The following CACNB4 variants were observed in gnomAD, a reference collection of about 807,000 sequenced individuals.
CACNB4 encodes the protein voltage-dependent L-type calcium channel subunit beta-4.
Under a neutral mutation model 71.2 loss-of-function variants are expected in CACNB4, and 32 were observed. The observed-to-expected ratio is 0.45, with a 90% CI of 0.34 to 0.60. The LOEUF is 0.60. CACNB4 is among the 20% of genes least tolerant of loss of function. The pLI is 0.01. For synonymous variants in CACNB4, 231 were observed against 236.9 expected (o/e 0.97, Z 0.23); for missense variants, 464 against 647.9 (o/e 0.72, Z 3.08).
Position 151,938,708 on chromosome 2 carries a change from C to T in CACNB4, c.148-55338G>A, listed in dbSNP as rs957979981. Reference sequence around the variant, plus strand: ...TGAGAAAGGCTAAACTGCTATTCTTCGTCTCCTCACCAACCCTCCTACCCC... The same window carrying T: ...TGAGAAAGGCTAAACTGCTATTCTTTGTCTCCTCACCAACCCTCCTACCCC... On this transcript the variant is annotated intron_variant, in intron 2 of 13. Coordinates refer to ENST00000539935, the MANE Select transcript of CACNB4 (RefSeq NM_000726.5). 6.6e-5 allele frequency among the ~76,000 whole-genome samples: 10 copies of T among 152,324 alleles called. 1 individual carries two copies. Among genetic ancestry groups the T allele is most frequent in the Non-Finnish European group, 8.8e-5 (6 of 68,014 alleles).
intron 2 of CACNB4, among the ~76,000 whole-genome samples, chr2:151,913,375 C>T (rs2099856696): frequency 6.6e-6 from 1 of 152,136 alleles, no homozygotes; most frequent in Admixed American, 6.5e-5. Context: ...TAACAAAACC[C>T]CTCAGCATTT....
chr2:151,897,248 C>G (rs1273083960), intron 2 of CACNB4, among the ~76,000 whole-genome samples: 2 of 152,224 alleles, frequency 1.3e-5, no homozygotes, highest in Non-Finnish European at 2.9e-5. Flanking sequence ...GCAAGAACAT[C>G]TCTTGGATGA....
chr2:151,917,834 C>CAA (rs35688438), intron 2 of CACNB4, among the ~76,000 whole-genome samples: 67,583 of 115,918 alleles, frequency 0.58, 21,042 homozygotes, highest in Non-Finnish European at 0.67. Flanking sequence ...GACACTGTCT[C>CAA]AAAAAAAAAA....
rs1273033816 is a variant in CACNB4, at chr2:151,837,771, G to A, written c.*1348C>T. ...AACTGTGAAGACTTAATAAGATGAAGAGGAGTGTTCATTAGAAATAAGGCA... is the reference window on the plus strand; with the variant it reads ...AACTGTGAAGACTTAATAAGATGAAAAGGAGTGTTCATTAGAAATAAGGCA... On this transcript the variant is annotated 3_prime_UTR_variant, in exon 14 of 14. Transcript: ENST00000539935. 6.6e-6 allele frequency: 1 copy of A among 152,080 alleles called. No individual in the cohort carries two copies. The highest frequency in any genetic ancestry group is 2.4e-5 in the African/African-American group (1 of 41,438). 9.4% of individuals were successfully genotyped at this position (152,080 alleles called of 1,614,324 possible). A position where few individuals can be genotyped will look rare whatever the true frequency, so the allele number is the denominator to read the frequency against.
At chr2:151,844,175 C>T (rs530390497) in intron 12 of CACNB4, among the ~76,000 whole-genome samples, 1 of 152,302 alleles carries the variant, frequency 6.6e-6, no homozygotes, top group East Asian at 1.9e-4. Flanking sequence ...AAACAGACAT[C>T]TTATGCTCAA....
intron 2 of CACNB4, among the ~76,000 whole-genome samples, chr2:152,024,247 C>A (rs907893323): frequency 6.6e-6 from 1 of 152,112 alleles, no homozygotes; most frequent in African/African-American, 2.4e-5. Context: ...AAACTAAGCC[C>A]AGGAGTTTAA....
intron 11 of CACNB4, 133 bp downstream of exon 11, chr2:151,855,091 G>A: frequency 1.9e-6 from 1 of 539,832 alleles, no homozygotes. Context: ...TCTGTACACT[G>A]TGGAAAGATT....
chr2:151,980,054 C>T (rs771748356), intron 2 of CACNB4, among the ~76,000 whole-genome samples: 3 of 152,230 alleles, frequency 2.0e-5, no homozygotes, highest in Non-Finnish European at 2.9e-5. Flanking sequence ...AACTGTTTAA[C>T]GTAAAATTAG....
chr2:152,048,999 A>T (rs1291594673), intron 2 of CACNB4, among the ~76,000 whole-genome samples: 1 of 152,146 alleles, frequency 6.6e-6, no homozygotes, highest in Non-Finnish European at 1.5e-5. Context: ...TGCAAGCTCC[A>T]GGCCATTGGT....
At chr2:151,990,933 T>C (rs929568280) in intron 2 of CACNB4, among the ~76,000 whole-genome samples, 1 of 152,210 alleles carries the variant, frequency 6.6e-6, no homozygotes, top group Non-Finnish European at 1.5e-5. Context: ...GATTGGGAGA[T>C]GGTGAATTGT....
chr2:152,065,005 C>G (rs1686231314), intron 2 of CACNB4, among the ~76,000 whole-genome samples: 1 of 152,296 alleles, frequency 6.6e-6, no homozygotes, highest in African/African-American at 2.4e-5. Context: ...GAAGGAATGG[C>G]TCTTTAGGGC....
Position 152,098,580 on chromosome 2 carries a change from A to T in CACNB4, c.64-167T>A, listed in dbSNP as rs1368682601. On this transcript the variant is annotated intron_variant, in intron 1 of 13. Coordinates refer to ENST00000539935, the MANE Select transcript of CACNB4 (RefSeq NM_000726.5). This position sits in a 1 kb window ranked among gnomAD's most constrained non-coding sequence, Gnocchi z 5.3. The stretch of plus-strand genomic sequence containing the variant: ...CCAAATACAGCCCCCACCCCCACCC[A>T]CCCACTGCAAGCCTCGACTGCTGAA... 1.0e-4 allele frequency: 45 copies of T among 449,484 alleles called. No homozygotes were observed. The East Asian group carries it at 2.8e-3, about 28-fold the overall frequency. 27.8% of individuals were successfully genotyped at this position (449,484 alleles called of 1,614,324 possible).
rs553891077 is a variant in CACNB4 at position 152,082,668 on chromosome 2, G to T, written c.147+15662C>A. Among the ~76,000 whole-genome samples the T allele has an allele frequency of 2.4e-3, 365 of 152,298 alleles. 3 individuals carry two copies. The Middle Eastern group carries it at 0.034, about 14-fold the overall frequency. ...CCGTTTTGCAACAAGGAAAACAGAGGCCTTAAGAAGTATTCATTCAGGCAG... is the reference window on the plus strand; with the variant it reads ...CCGTTTTGCAACAAGGAAAACAGAGTCCTTAAGAAGTATTCATTCAGGCAG... On this transcript the variant is annotated intron_variant, in intron 2 of 13. Coordinates refer to ENST00000539935, the MANE Select transcript of CACNB4 (RefSeq NM_000726.5).
chr2:152,079,762 G>C (rs981290987), intron 2 of CACNB4, among the ~76,000 whole-genome samples: 3 of 151,930 alleles, frequency 2.0e-5, no homozygotes, highest in Admixed American at 2.0e-4. Flanking sequence ...CTCCAGCCTG[G>C]GTAACAGAGC....
At chr2:151,998,220 G>T (rs3892133) in intron 2 of CACNB4, among the ~76,000 whole-genome samples, 74,395 of 151,070 alleles carry the variant, frequency 0.49, 20,661 homozygotes, top group Non-Finnish European at 0.63. Context: ...AGCTACTCAG[G>T]AGGCTCAGAC....
chr2:151,925,286 T>C lies in CACNB4; in HGVS notation c.148-41916A>G, dbSNP rs567283805. Among the ~76,000 whole-genome samples the C allele has an allele frequency of 4.7e-4, 71 of 152,374 alleles. 1 individual carries two copies. The South Asian group carries it at 0.014, about 31-fold the overall frequency. On this transcript the variant is annotated intron_variant, in intron 2 of 13. Transcript: ENST00000539935. The stretch of plus-strand genomic sequence containing the variant: ...CAGCTATTAGCTAACACATTTTGTA[T>C]TATTTGGTAGTCACATATCAGAAAT...
At chr2:151,843,526 G>A (rs945912835) in intron 12 of CACNB4, among the ~76,000 whole-genome samples, 1 of 151,898 alleles carries the variant, frequency 6.6e-6, no homozygotes, top group Non-Finnish European at 1.5e-5. Flanking sequence ...ATGTTGCCCA[G>A]GCTGGTCTCA....
At chr2:152,003,967 C>T (rs1225765589) in intron 2 of CACNB4, among the ~76,000 whole-genome samples, 4 of 152,154 alleles carry the variant, frequency 2.6e-5, no homozygotes, top group Non-Finnish European at 5.9e-5. Context: ...ACCTCTGCCT[C>T]CCAAGTACTC....
chr2:151,883,295 G>A lies in CACNB4; in HGVS notation c.223C>T (p.Gln75Ter), dbSNP rs1553760563. Residue 75 changes from glutamine (Q) to a stop codon, truncating the protein, a stop_gained, in exon 3 of 14, where the codon CAG becomes TAG. Transcript: ENST00000539935. LOFTEE classifies it high-confidence loss of function. Reference sequence around the variant, plus strand: ...ATAGCTGCTTGCTGTTCTCTCTCCTGTCGAATTGCTTCCCGGTCCTCTTCC... The same window carrying A: ...ATAGCTGCTTGCTGTTCTCTCTCCTATCGAATTGCTTCCCGGTCCTCTTCC... The part of the protein sequence containing the change: ...SLEEDREAIR[Q>*]EREQQAAIQL... The A allele has an allele frequency of 6.2e-7, 1 of 1,613,864 alleles. No individual in the cohort carries two copies. The highest frequency in any genetic ancestry group is 8.5e-7 in the Non-Finnish European group (1 of 1,179,770).
Sources: gnomAD v4.1 joint callset for allele counts (sites outside exome capture counted in the v4.1 genomes callset) on GRCh38, gnomAD v4.1.1 for gene constraint, Gnocchi (gnomAD v3.1) non-coding constraint, MANE v1.5 for transcripts, NCBI Gene and HGNC (gene_info 2026-07-23, HGNC 2026-07-21) for gene names.